The following OXTR variants were observed in gnomAD, a reference collection of about 807,000 sequenced individuals.
The protein encoded by OXTR is oxytocin receptor.
In OXTR, 19 loss-of-function variants were observed where a neutral mutation model predicts 23.9. The observed-to-expected ratio is 0.80, with a 90% CI of 0.56 to 1.17. The LOEUF is 1.17. Ranked by LOEUF, OXTR falls within the 50% of genes most tolerant of loss-of-function variation. The pLI is 0.00. For missense variants in OXTR, 500 were observed against 550.7 expected (o/e 0.91, Z 0.92); for synonymous variants, 278 against 250.5 (o/e 1.11, Z -1.04).
At chr3:8,741,898 A>G in the OXTR span, among the ~76,000 whole-genome samples, 1 of 152,126 alleles carries the variant, frequency 6.6e-6, no homozygotes, top group Non-Finnish European at 1.5e-5. Context: ...TTGCTGTTCC[A>G]AAAATAAATA....
chr3:8,752,941 G>C lies in OXTR; in HGVS notation c.*36C>G. 1 of 1,589,522 alleles carries C rather than the reference G, an allele frequency of 6.3e-7. No homozygotes were observed. Among genetic ancestry groups the C allele is most frequent in the Non-Finnish European group, 8.6e-7 (1 of 1,167,076 alleles). ...CAGAGCACTTATGCCAGCACAGCCTGAGCCTCAGGCTGCAGCCCTGGCCCT... is the reference window on the plus strand; with the variant it reads ...CAGAGCACTTATGCCAGCACAGCCTCAGCCTCAGGCTGCAGCCCTGGCCCT... On this transcript the variant is annotated 3_prime_UTR_variant, in exon 4 of 4. Coordinates refer to ENST00000316793, the MANE Select transcript of OXTR (RefSeq NM_000916.4).
rs569424813 is a variant in OXTR, at chr3:8,767,528, G to A, written c.660C>T (p.Tyr220=). The change falls in exon 3 of 4, where the codon TAC becomes TAT. Residue 220 remains tyrosine (Y), a synonymous_variant. Coordinates refer to ENST00000316793, the MANE Select transcript of OXTR (RefSeq NM_000916.4). ...GCCAGATCTTGAAGCTGATAAGGCCGTAGCAGGCAGCGAGCACGATGACCG... is the reference window on the plus strand; with the variant it reads ...GCCAGATCTTGAAGCTGATAAGGCCATAGCAGGCAGCGAGCACGATGACCG... ...IVPVIVLAAC[Y]GLISFKIWQN... is the part of the protein sequence containing the mutation. 9.3e-6 allele frequency: 15 copies of A among 1,612,932 alleles called. No homozygotes were observed. The Admixed American group carries it at 2.0e-4, about 22-fold the overall frequency.
chr3:8,754,742 T>C (rs1435493735), intron 3 of OXTR, among the ~76,000 whole-genome samples: 1 of 152,154 alleles, frequency 6.6e-6, no homozygotes, highest in East Asian at 1.9e-4. Context: ...AAATGCACAT[T>C]CTCAGGCCCC....
chr3:8,746,040 G>A (rs1708151616), downstream of OXTR: 1 of 599,212 alleles, frequency 1.7e-6, no homozygotes, highest in South Asian at 2.1e-5. Context: ...CCCAGCCACA[G>A]AAGCACAATG....
At chr3:8,748,546 G>A (rs1173881431), downstream of OXTR, among the ~76,000 whole-genome samples, 1 of 152,268 alleles carries the variant, frequency 6.6e-6, no homozygotes, top group South Asian at 2.1e-4. Flanking sequence ...TCCAGTCACC[G>A]TTCTTGGGAG....
chr3:8,749,306 A>T (rs1411313777), downstream of OXTR, among the ~76,000 whole-genome samples: 1 of 152,182 alleles, frequency 6.6e-6, no homozygotes, highest in African/African-American at 2.4e-5. Flanking sequence ...GAGCTTTCAC[A>T]CGAAGAGAGT....
Position 8,753,172 on chromosome 3 carries a change from G to A in OXTR, c.975C>T (p.Asn325=), listed in dbSNP as rs1708306189. Reference sequence around the variant, plus strand: ...CCGTGAACAGCATGTAGATCCAGGGGTTGCAGCAGCTGTTGAGGCTGGCCA... The same window carrying A: ...CCGTGAACAGCATGTAGATCCAGGGATTGCAGCAGCTGTTGAGGCTGGCCA... ...MLLASLNSCC[N]PWIYMLFTGH... is the part of the protein sequence containing the mutation. Residue 325 remains asparagine (N), a synonymous_variant, in exon 4 of 4, where the codon AAC becomes AAT. Coordinates refer to ENST00000316793, the MANE Select transcript of OXTR (RefSeq NM_000916.4). The A allele has an allele frequency of 3.7e-6, 6 of 1,614,056 alleles. No homozygotes were observed. The highest frequency in any genetic ancestry group is 1.3e-5 in the African/African-American group (1 of 74,930).
At chr3:8,759,199 C>T (rs1037192368) in intron 3 of OXTR, among the ~76,000 whole-genome samples, 1 of 152,226 alleles carries the variant, frequency 6.6e-6, no homozygotes, top group Admixed American at 6.5e-5. Flanking sequence ...GAATGTGCAT[C>T]TGCTTCTTTG....
rs759580901 is a variant in OXTR, at chr3:8,767,292, A to G, written c.896T>C (p.Val299Ala). Residue 299 changes from valine to alanine, a missense_variant, in exon 3 of 4, where the codon GTC (valine) becomes GCC (alanine). Val to Ala is a moderately conservative substitution (Grantham distance 64). Coordinates refer to ENST00000316793, the MANE Select transcript of OXTR (RefSeq NM_000916.4). ...TPFFFVQMWS[V>A]WDANAPKEAS... is the part of the protein sequence containing the mutation. The stretch of plus-strand genomic sequence containing the variant: ...TTCCTTGGGCGCGTTGGCATCCCAG[A>G]CGCTCCACATCTGCACGAAGAAGAA... 6.4e-7 allele frequency: 1 copy of G among 1,564,984 alleles called. No individual in the cohort carries two copies. Among genetic ancestry groups the G allele is most frequent in the African/African-American group, 1.4e-5 (1 of 72,510 alleles).
chr3:8,758,715 G>A (rs964168917), intron 3 of OXTR, among the ~76,000 whole-genome samples: 4 of 152,172 alleles, frequency 2.6e-5, no homozygotes, highest in African/African-American at 9.7e-5. Context: ...AGCCAAACGG[G>A]CGGGCTACAG....
chr3:8,742,170 C>T, the OXTR span, among the ~76,000 whole-genome samples: 2 of 152,122 alleles, frequency 1.3e-5, no homozygotes, highest in Non-Finnish European at 2.9e-5. Flanking sequence ...AACTAGCATG[C>T]TGTGGCCAAA....
At chr3:8,745,722 T>G, downstream of OXTR, 1 of 1,614,172 alleles carries the variant, frequency 6.2e-7, no homozygotes, top group South Asian at 1.1e-5. This position sits in a 1 kb window ranked among gnomAD's most constrained non-coding sequence, Gnocchi z 4.8. Flanking sequence ...TGGGCGGTGG[T>G]GCCATGCATT....
downstream of OXTR, among the ~76,000 whole-genome samples, chr3:8,748,663 A>G (rs1451496380): frequency 6.6e-6 from 1 of 152,192 alleles, no homozygotes; most frequent in Non-Finnish European, 1.5e-5. Flanking sequence ...TCATTCACCA[A>G]CTGGCACAGT....
intron 3 of OXTR, among the ~76,000 whole-genome samples, chr3:8,764,933 T>A (rs1708571666): frequency 6.6e-6 from 1 of 152,184 alleles, no homozygotes; most frequent in African/African-American, 2.4e-5. Flanking sequence ...CACCCTTCCC[T>A]GTGAATTCCT....
chr3:8,762,574 C>G (rs747299024), intron 3 of OXTR, among the ~76,000 whole-genome samples: 6 of 152,092 alleles, frequency 3.9e-5, no homozygotes, highest in African/African-American at 1.4e-4. Context: ...GCCCACCATG[C>G]TCTCCACATC....
At chr3:8,745,952 C>T (rs934971470), downstream of OXTR, 19 of 1,108,468 alleles carry the variant, frequency 1.7e-5, no homozygotes, top group Admixed American at 9.6e-5. The surrounding 1 kb of genome is among the most constrained non-coding windows in gnomAD (Gnocchi z 4.8). Context: ...GGGCTGCTGG[C>T]GAGCTCTTTC....
At chr3:8,769,001 T>A (rs1708704571) in intron 1 of OXTR, among the ~76,000 whole-genome samples, 1 of 152,024 alleles carries the variant, frequency 6.6e-6, no homozygotes, top group Non-Finnish European at 1.5e-5. Flanking sequence ...CCCGCGGGGC[T>A]CCTCCCCAGC....
At position 8,767,137 on chromosome 3, in the gene OXTR, ACT is replaced by A. The variant is rs147640782; in HGVS notation, c.922+127_922+128del. ...TTGGTCAAGGGATGACAGAGCAGTG[ACT>A]CTGTGGGATTTCAAACCCGCTTATC... On this transcript the variant is annotated intron_variant, in intron 3 of 3. Coordinates refer to ENST00000316793, the MANE Select transcript of OXTR (RefSeq NM_000916.4). 1,157 of 835,278 alleles carry A rather than the reference ACT, an allele frequency of 1.4e-3. 11 individuals carry two copies. The African/African-American group carries it at 0.018, about 13-fold the overall frequency. 51.7% of individuals were successfully genotyped at this position (835,278 alleles called of 1,614,324 possible). A position where few individuals can be genotyped will look rare whatever the true frequency, so the allele number is the denominator to read the frequency against.
At chr3:8,759,180 C>G (rs1708437233) in intron 3 of OXTR, among the ~76,000 whole-genome samples, 1 of 152,204 alleles carries the variant, frequency 6.6e-6, no homozygotes, top group Admixed American at 6.5e-5. Context: ...CGTTCTTGAT[C>G]TCAATGTGGA....
Sources: allele counts gnomAD v4.1 joint callset (sites outside exome capture counted in the v4.1 genomes callset), GRCh38; gene constraint gnomAD v4.1.1; non-coding constraint Gnocchi (gnomAD v3.1); transcripts MANE v1.5; gene names NCBI Gene and HGNC (gene_info 2026-07-23, HGNC 2026-07-21).